CCSER1: variants seen among roughly 807,000 people sequenced by gnomAD.
CCSER1 encodes the protein serine-rich coiled-coil domain-containing protein 1.
CCSER1 carries 41 observed loss-of-function variants against 82.0 expected under a neutral mutation model. The ratio of observed to expected loss-of-function variants is 0.50; its 90% CI spans 0.39 to 0.65. The LOEUF is 0.65. CCSER1 is among the 30% of genes least tolerant of loss of function. The pLI is 0.00. For missense variants in CCSER1, 1,119 were observed against 1,064.2 expected (o/e 1.05, Z -0.72); for synonymous variants, 414 against 383.9 (o/e 1.08, Z -0.92).
intron 10 of CCSER1, among the ~76,000 whole-genome samples, chr4:91,386,645 G>GA (rs1751306345): frequency 6.6e-6 from 1 of 151,974 alleles, no homozygotes; most frequent in Non-Finnish European, 1.5e-5. Context: ...AGTTGGAAAA[G>GA]AAAAAATAGT....
chr4:90,918,438 A>G (rs1418839960), intron 8 of CCSER1: 1 of 342,548 alleles, frequency 2.9e-6, no homozygotes, highest in Non-Finnish European at 5.7e-6. Flanking sequence ...GACATTAGAT[A>G]TCCCTAGTCA....
chr4:91,273,406 TG>T (rs1742192366), intron 10 of CCSER1, among the ~76,000 whole-genome samples: 1 of 152,164 alleles, frequency 6.6e-6, no homozygotes, highest in Non-Finnish European at 1.5e-5. Context: ...ATTCTCTGCT[TG>T]GTTGCTGTTT....
intron 9 of CCSER1, among the ~76,000 whole-genome samples, chr4:90,992,846 A>G (rs868479202): frequency 2.0e-5 from 3 of 151,962 alleles, no homozygotes; most frequent in Non-Finnish European, 2.9e-5. Flanking sequence ...ACCACAGACG[A>G]TAGGTGCTAC....
At chr4:90,369,135 T>C (rs1242110580) in intron 3 of CCSER1, among the ~76,000 whole-genome samples, 1 of 150,082 alleles carries the variant, frequency 6.7e-6, no homozygotes. Context: ...GTCTGGCTAA[T>C]TAATTGGAAA....
At chr4:91,188,892 A>G (rs1042649875) in intron 10 of CCSER1, among the ~76,000 whole-genome samples, 18 of 152,140 alleles carry the variant, frequency 1.2e-4, no homozygotes, top group African/African-American at 4.3e-4. Flanking sequence ...ATACCTATTT[A>G]TATGTCCTCC....
At chr4:91,294,942 C>A (rs943493507) in intron 10 of CCSER1, among the ~76,000 whole-genome samples, 9 of 151,900 alleles carry the variant, frequency 5.9e-5, no homozygotes, top group Admixed American at 6.6e-5. Context: ...CTTTTCCTGA[C>A]TTTATTGCAC....
At chr4:90,890,295 A>G (rs2150110271) in intron 8 of CCSER1, among the ~76,000 whole-genome samples, 1 of 152,104 alleles carries the variant, frequency 6.6e-6, no homozygotes, top group South Asian at 2.1e-4. Flanking sequence ...TGGGCTTCAG[A>G]CTCCTCATCT....
chr4:91,379,808 C>A (rs996699973), intron 10 of CCSER1, among the ~76,000 whole-genome samples: 1 of 152,218 alleles, frequency 6.6e-6, no homozygotes, highest in African/African-American at 2.4e-5. Flanking sequence ...TGTGTTTGCT[C>A]TTGCTTTCTA....
At position 90,309,013 on chromosome 4, in the gene CCSER1, A is replaced by G. The variant is rs1167012107; in HGVS notation, c.729A>G (p.Gln243=). The G allele has an allele frequency of 1.2e-5, 19 of 1,613,712 alleles. No individual in the cohort carries two copies. Among genetic ancestry groups the G allele is most frequent in the Non-Finnish European group, 1.6e-5 (19 of 1,179,852 alleles). The change falls in exon 2 of 11, where the codon CAA becomes CAG. Residue 243 remains glutamine (Q), a synonymous_variant. Coordinates refer to ENST00000509176, the MANE Select transcript of CCSER1 (RefSeq NM_001145065.2). Reference sequence around the variant, plus strand: ...CAGAACGGGCAGGAAGCTCTTTACAATCTCCTTTGCTTTCTGCTGATCTTA... The same window carrying G: ...CAGAACGGGCAGGAAGCTCTTTACAGTCTCCTTTGCTTTCTGCTGATCTTA... The part of the protein sequence containing the change: ...DVTERAGSSL[Q]SPLLSADLTT...
At chr4:91,104,334 C>G (rs1424686503) in intron 10 of CCSER1, among the ~76,000 whole-genome samples, 2 of 152,142 alleles carry the variant, frequency 1.3e-5, no homozygotes, top group Non-Finnish European at 2.9e-5. Flanking sequence ...ACTGCCTCCC[C>G]TTTTCAAACC....
chr4:90,161,224 A>G (rs540681397), intron 1 of CCSER1, among the ~76,000 whole-genome samples: 8 of 152,120 alleles, frequency 5.3e-5, no homozygotes, highest in Non-Finnish European at 7.4e-5. Context: ...GGATTCTTCC[A>G]AGTACACAGT....
At chr4:90,224,371 A>C (rs918107709) in intron 1 of CCSER1, among the ~76,000 whole-genome samples, 16 of 152,220 alleles carry the variant, frequency 1.1e-4, no homozygotes, top group African/African-American at 3.6e-4. Context: ...TATTGTTATA[A>C]AACAGCAGTT....
intron 10 of CCSER1, among the ~76,000 whole-genome samples, chr4:91,246,485 CA>C (rs529332901): frequency 1.9e-4 from 29 of 152,036 alleles, no homozygotes; most frequent in African/African-American, 4.8e-4. Context: ...GGAGATTCCT[CA>C]AAAAAACTAA....
At chr4:91,367,208 T>C (rs542316299) in intron 10 of CCSER1, among the ~76,000 whole-genome samples, 3 of 149,258 alleles carry the variant, frequency 2.0e-5, no homozygotes, top group South Asian at 2.1e-4. Flanking sequence ...TCGAAGCTAC[T>C]TGGGGGGCTG....
chr4:90,687,503 C>T (rs1480414026), intron 6 of CCSER1, among the ~76,000 whole-genome samples: 2 of 151,956 alleles, frequency 1.3e-5, no homozygotes, highest in East Asian at 1.9e-4. Flanking sequence ...CTTTTGGAAA[C>T]CTGCAGTTGT....
intron 7 of CCSER1, among the ~76,000 whole-genome samples, chr4:90,771,801 G>A (rs750917746): frequency 6.6e-6 from 1 of 151,996 alleles, no homozygotes; most frequent in Non-Finnish European, 1.5e-5. Flanking sequence ...ACACAGCTTT[G>A]TGTGGTGTAT....
At chr4:90,282,966 T>G (rs1198652737) in intron 1 of CCSER1, among the ~76,000 whole-genome samples, 1 of 152,008 alleles carries the variant, frequency 6.6e-6, no homozygotes, top group Non-Finnish European at 1.5e-5. Flanking sequence ...GCATTTGGTA[T>G]AAGGAAACAA....
intron 5 of CCSER1, among the ~76,000 whole-genome samples, chr4:90,548,769 TATACACACAC>T (rs1165391162): frequency 2.0e-5 from 3 of 151,670 alleles, no homozygotes; most frequent in Non-Finnish European, 2.9e-5. Flanking sequence ...CACAGACATA[TATACACACAC>T]ATACACACAC....
At chr4:91,079,016 C>A (rs1013957389) in intron 9 of CCSER1, among the ~76,000 whole-genome samples, 1 of 152,150 alleles carries the variant, frequency 6.6e-6, no homozygotes, top group Non-Finnish European at 1.5e-5. Context: ...AGGATATCAT[C>A]CAGGAGAACT....
Sources: gnomAD v4.1 joint callset for allele counts (sites outside exome capture counted in the v4.1 genomes callset) on GRCh38, gnomAD v4.1.1 for gene constraint, MANE v1.5 for transcripts, NCBI Gene and HGNC (gene_info 2026-07-23, HGNC 2026-07-21) for gene names.